NRXN3: variants seen among roughly 807,000 people sequenced by gnomAD.
The protein encoded by NRXN3 is neurexin 3, also known as neurexin III.
Under a neutral mutation model 137.6 loss-of-function variants are expected in NRXN3, and 32 were observed. The ratio of observed to expected loss-of-function variants is 0.23; its 90% CI spans 0.18 to 0.31. NRXN3 has a LOEUF of 0.31. NRXN3 is among the 10% of genes least tolerant of loss of function. The pLI is 1.00. For missense variants in NRXN3, 1,574 were observed against 2,062.5 expected (o/e 0.76, Z 4.59); for synonymous variants, 798 against 784.5 (o/e 1.02, Z -0.29).
chr14:79,650,075 G>A (rs1162919150), intron 16 of NRXN3, among the ~76,000 whole-genome samples: 12 of 152,104 alleles, frequency 7.9e-5, no homozygotes. Flanking sequence ...GAACTTGGTT[G>A]GAGGACATCC....
chr14:78,252,052 A>C (rs1451717566), intron 2 of NRXN3, among the ~76,000 whole-genome samples: 1 of 152,190 alleles, frequency 6.6e-6, no homozygotes, highest in East Asian at 1.9e-4. Context: ...GATCTATTTA[A>C]AAACAATACG....
intron 19 of NRXN3, among the ~76,000 whole-genome samples, chr14:79,736,793 T>C (rs1424608345): frequency 2.0e-5 from 3 of 152,156 alleles, no homozygotes; most frequent in Admixed American, 2.0e-4. Context: ...CCAGCAAGTC[T>C]AGCAGACATG....
chr14:78,554,337 G>T (rs10134028), intron 4 of NRXN3, among the ~76,000 whole-genome samples: 1 of 151,962 alleles, frequency 6.6e-6, no homozygotes, highest in African/African-American at 2.4e-5. Flanking sequence ...TAGAAGCCTC[G>T]GGCTGGGCTC....
At chr14:79,842,073 A>G (rs2099356944) in intron 20 of NRXN3, among the ~76,000 whole-genome samples, 1 of 152,204 alleles carries the variant, frequency 6.6e-6, no homozygotes, top group Non-Finnish European at 1.5e-5. Flanking sequence ...TTTGCAAGGT[A>G]TTCGTGGCTA....
chr14:79,439,468 T>G (rs2095897016), intron 15 of NRXN3, among the ~76,000 whole-genome samples: 1 of 152,204 alleles, frequency 6.6e-6, no homozygotes, highest in Non-Finnish European at 1.5e-5. Flanking sequence ...CCCAGTGACA[T>G]TGCTCCAAGA....
intron 15 of NRXN3, among the ~76,000 whole-genome samples, chr14:79,202,690 T>C (rs1245928782): frequency 6.6e-6 from 1 of 152,126 alleles, no homozygotes; most frequent in Non-Finnish European, 1.5e-5. Context: ...CTCATCCAGG[T>C]CACTTCAAAT....
intron 15 of NRXN3, among the ~76,000 whole-genome samples, chr14:79,245,630 G>A (rs2075049754): frequency 6.6e-6 from 1 of 152,042 alleles, no homozygotes; most frequent in Admixed American, 6.6e-5. Context: ...GCAACCCACA[G>A]TGCCTGGAAC....
At chr14:79,332,981 C>T (rs973711372) in intron 15 of NRXN3, among the ~76,000 whole-genome samples, 1 of 151,944 alleles carries the variant, frequency 6.6e-6, no homozygotes, top group African/African-American at 2.4e-5. Context: ...TTATCCTTAC[C>T]AACCATCTTT....
chr14:79,376,216 A>G (rs932204507), intron 15 of NRXN3, among the ~76,000 whole-genome samples: 1,402 of 3,816 alleles, frequency 0.37, 45 homozygotes, highest in African/African-American at 0.44. Context: ...GTGTGTATGT[A>G]TATATATATA....
chr14:79,294,215 G>A (rs371050651), intron 15 of NRXN3, among the ~76,000 whole-genome samples: 53 of 152,106 alleles, frequency 3.5e-4, no homozygotes, highest in Admixed American at 2.9e-3. Flanking sequence ...ATATTTTCTC[G>A]CACACATTAG....
chr14:78,499,822 G>T (rs34862011), intron 4 of NRXN3, among the ~76,000 whole-genome samples: 1 of 152,220 alleles, frequency 6.6e-6, no homozygotes, highest in East Asian at 1.9e-4. Context: ...GTTTCTTGCC[G>T]TGTGGGCTTT....
At chr14:78,320,668 G>T (rs1267873955) in intron 4 of NRXN3, among the ~76,000 whole-genome samples, 2 of 152,328 alleles carry the variant, frequency 1.3e-5, no homozygotes, top group East Asian at 1.9e-4. Context: ...CCTCACGCTG[G>T]TGGTCAACTG....
At chr14:79,814,387 G>T (rs1424018338) in intron 20 of NRXN3, among the ~76,000 whole-genome samples, 1 of 152,098 alleles carries the variant, frequency 6.6e-6, no homozygotes, top group African/African-American at 2.4e-5. Flanking sequence ...CTCTCCTATT[G>T]TCTCTACTTT....
chr14:79,710,019 G>A (rs1365512967), intron 19 of NRXN3, among the ~76,000 whole-genome samples: 2 of 152,128 alleles, frequency 1.3e-5, no homozygotes, highest in African/African-American at 4.8e-5. Flanking sequence ...TTTTATGAAA[G>A]AGAATTAACC....
rs10667477 is a variant in NRXN3 at position 79,358,607 on chromosome 14, G to GAAAGAGAAAGAAAGAAAGAAAAGAA, written c.3263-108613_3263-108612insAAGAGAAAGAAAGAAAGAAAAGAAA. 7.5e-5 allele frequency among the ~76,000 whole-genome samples: 6 copies of GAAAGAGAAAGAAAGAAAGAAAAGAA among 79,984 alleles called. No homozygotes were observed. The East Asian group carries it at 2.3e-3, about 30-fold the overall frequency. 52.5% of individuals were successfully genotyped at this position (79,984 alleles called of 152,430 possible). ...AGAGAGAAAGAAAGAAAGAAAGAAA[G>GAAAGAGAAAGAAAGAAAGAAAAGAA]AGAAAGAAAGAAAGAAAGAAAGAAA... On this transcript the variant is annotated intron_variant, in intron 15 of 20. Coordinates refer to ENST00000335750, the MANE Select transcript of NRXN3 (RefSeq NM_001330195.2).
chr14:78,910,416 C>A (rs938937613), intron 10 of NRXN3, among the ~76,000 whole-genome samples: 3 of 152,080 alleles, frequency 2.0e-5, no homozygotes, highest in Non-Finnish European at 4.4e-5. Flanking sequence ...ATGAATATTT[C>A]CCTGCTATCA....
At chr14:78,975,713 C>T (rs1424302361) in intron 14 of NRXN3, among the ~76,000 whole-genome samples, 1 of 152,154 alleles carries the variant, frequency 6.6e-6, no homozygotes, top group Non-Finnish European at 1.5e-5. Context: ...AGGAGGTAAA[C>T]AAGTTTCCCT....
chr14:79,664,572 GTTAATCATCTGT>G (rs975815014), intron 17 of NRXN3, among the ~76,000 whole-genome samples: 3 of 152,102 alleles, frequency 2.0e-5, no homozygotes, highest in African/African-American at 7.2e-5. Context: ...AGGAAAAGGG[GTTAATCATCTGT>G]TTAAATTTTA....
Position 79,858,586 on chromosome 14 carries a change from C to T in NRXN3, c.4094-2756C>T, listed in dbSNP as rs117307219. 6.7e-3 allele frequency among the ~76,000 whole-genome samples: 1,021 copies of T among 151,992 alleles called. 6 individuals are homozygous for T. The highest frequency in any genetic ancestry group is 0.012 in the Non-Finnish European group (794 of 67,978). On this transcript the variant is annotated intron_variant, in intron 20 of 20. Coordinates refer to ENST00000335750, the MANE Select transcript of NRXN3 (RefSeq NM_001330195.2). The stretch of plus-strand genomic sequence containing the variant: ...TCATTGCCATAAGGAACAAATGACT[C>T]GGTGTTTGTGCCAGAAAAGAACACA...
Sources: allele counts gnomAD v4.1 joint callset (sites outside exome capture counted in the v4.1 genomes callset), GRCh38; gene constraint gnomAD v4.1.1; transcripts MANE v1.5; gene names NCBI Gene and HGNC (gene_info 2026-07-23, HGNC 2026-07-21).